Variants in HTR7 observed in about 807,000 individuals in gnomAD.
HTR7 encodes 5-HT-7.
HTR7 carries 16 observed loss-of-function variants against 34.0 expected under a neutral mutation model. That is an observed-to-expected ratio of 0.47 (90% confidence interval 0.32 to 0.71). The LOEUF is 0.71. Ranked by LOEUF, HTR7 falls within the 30% of genes least tolerant of loss-of-function variation. The pLI is 0.04. For synonymous variants in HTR7, 265 were observed against 260.2 expected, an observed-to-expected ratio of 1.02 and a Z score of -0.18; for missense variants, 504 against 625.5, an observed-to-expected ratio of 0.81 and a Z score of 2.07.
At chr10:90,789,203 T>C (rs556923312) in intron 1 of HTR7, among the ~76,000 whole-genome samples, 1 of 152,308 alleles carries the variant, frequency 6.6e-6, no homozygotes, top group African/African-American at 2.4e-5. Context: ...TTCCTCCTTC[T>C]ATGCTCTGCA....
chr10:90,806,814 T>C (rs1311509316), intron 1 of HTR7, among the ~76,000 whole-genome samples: 2 of 152,020 alleles, frequency 1.3e-5, no homozygotes, highest in South Asian at 2.1e-4. Flanking sequence ...AAGAGTGTGC[T>C]GGGCTGGGCC....
intron 1 of HTR7, among the ~76,000 whole-genome samples, chr10:90,764,281 C>T (rs577123453): frequency 1.3e-3 from 200 of 151,678 alleles, no homozygotes; most frequent in African/African-American, 4.8e-3. Flanking sequence ...TGTTCATATC[C>T]TTTGCCCATT....
chr10:90,857,751 A>G lies in HTR7; in HGVS notation c.-80T>C. The G allele has an allele frequency of 7.5e-7, 1 of 1,334,400 alleles. No individual in the cohort carries two copies. Among genetic ancestry groups the G allele is most frequent in the Non-Finnish European group, 9.6e-7 (1 of 1,036,722 alleles). The allele number at this position is 1,334,400 out of a possible 1,614,324, so 82.7% of individuals were successfully genotyped here. ...GCTGCCGGCCCCGGGGCTTCACCTC[A>G]CCGGTTCCGCTCCGCCCGGCCCAGC... On this transcript the variant is annotated 5_prime_UTR_variant, in exon 1 of 4. Coordinates refer to ENST00000336152, the MANE Select transcript of HTR7 (RefSeq NM_019859.4). The surrounding 1 kb of genome is among the most constrained non-coding windows in gnomAD (Gnocchi z 6.5).
chr10:90,826,242 A>G (rs1291770076), intron 1 of HTR7, among the ~76,000 whole-genome samples: 1 of 152,196 alleles, frequency 6.6e-6, no homozygotes, highest in Non-Finnish European at 1.5e-5. Context: ...CTAGAATAAT[A>G]TATCTGGTGA....
Position 90,821,426 on chromosome 10 carries a change from G to A in HTR7, c.539+35707C>T, listed in dbSNP as rs563714973. 7.2e-5 allele frequency among the ~76,000 whole-genome samples: 11 copies of A among 152,328 alleles called. No homozygotes were observed. In the East Asian group the frequency reaches 1.4e-3, roughly 19 times the overall value. On this transcript the variant is annotated intron_variant, in intron 1 of 3. Coordinates refer to ENST00000336152, the MANE Select transcript of HTR7 (RefSeq NM_019859.4). ...GGCCAGAACTCAGCTGAAATAAATG[G>A]AGGGAGCATTTAAACCAACCCTAGC...
intron 1 of HTR7, among the ~76,000 whole-genome samples, chr10:90,779,970 C>T (rs534514061): frequency 6.6e-6 from 1 of 152,314 alleles, no homozygotes; most frequent in South Asian, 2.1e-4. Context: ...CACCCTCCAG[C>T]CCTGCATGCA....
intron 1 of HTR7, among the ~76,000 whole-genome samples, chr10:90,851,692 C>T (rs1846503158): frequency 6.6e-6 from 1 of 151,178 alleles, no homozygotes; most frequent in South Asian, 2.1e-4. Context: ...CACTAGCAAA[C>T]CCTCAGTAAT....
intron 1 of HTR7, among the ~76,000 whole-genome samples, chr10:90,846,217 T>C (rs764964284): frequency 1.3e-5 from 2 of 152,250 alleles, no homozygotes; most frequent in Non-Finnish European, 2.9e-5. Context: ...TCAAAATATT[T>C]ATCAGTGAAA....
intron 1 of HTR7, among the ~76,000 whole-genome samples, chr10:90,824,037 T>A (rs1033833605): frequency 3.3e-5 from 5 of 152,224 alleles, no homozygotes; most frequent in Non-Finnish European, 7.3e-5. Context: ...AGCAGTGTGA[T>A]CACAGAGTAA....
intron 1 of HTR7, among the ~76,000 whole-genome samples, chr10:90,800,530 C>T (rs550849630): frequency 1.3e-5 from 2 of 149,938 alleles, no homozygotes; most frequent in African/African-American, 4.9e-5. Context: ...AGACTACTAC[C>T]TTATCTTCAC....
rs545918135 is a variant in HTR7 at position 90,811,215 on chromosome 10, T to G, written c.539+45918A>C. ...GGGATCGCGTCCTGTAGCCTTTTTG[T>G]CCAAACAACTTGACCTTACTGTTTT... On this transcript the variant is annotated intron_variant, in intron 1 of 3. Coordinates refer to ENST00000336152, the MANE Select transcript of HTR7 (RefSeq NM_019859.4). 1.6e-3 allele frequency among the ~76,000 whole-genome samples: 251 copies of G among 152,302 alleles called. 4 individuals carry two copies. The South Asian group carries it at 0.018, about 11-fold the overall frequency.
At chr10:90,831,236 T>G (rs1359370300) in intron 1 of HTR7, among the ~76,000 whole-genome samples, 1 of 152,064 alleles carries the variant, frequency 6.6e-6, no homozygotes, top group Non-Finnish European at 1.5e-5. Flanking sequence ...TCGCCGTGAG[T>G]GTTACAGTTC....
At chr10:90,793,857 C>T (rs1055262970) in intron 1 of HTR7, among the ~76,000 whole-genome samples, 4 of 152,180 alleles carry the variant, frequency 2.6e-5, no homozygotes, top group African/African-American at 9.7e-5. Context: ...AGCTGAAGAA[C>T]TTGGAGTCTG....
At chr10:90,807,670 C>T (rs954837525) in intron 1 of HTR7, among the ~76,000 whole-genome samples, 2 of 152,214 alleles carry the variant, frequency 1.3e-5, no homozygotes, top group African/African-American at 4.8e-5. Context: ...CGCAGGCACC[C>T]AGGTGATTAA....
Position 90,857,213 on chromosome 10 carries a change from A to G in HTR7, c.459T>C (p.Phe153=). ...CCATGGCGATGAAGACATTACAGAA[A>G]AAGTGTCCAAAGATCCACTTGCCCC... is the stretch of plus-strand genomic sequence containing the variant. The part of the protein sequence containing the change: ...LIGGKWIFGH[F]FCNVFIAMDV... The change falls in exon 1 of 4, where the codon TTT becomes TTC. Residue 153 remains phenylalanine (F), a synonymous_variant. Coordinates refer to ENST00000336152, the MANE Select transcript of HTR7 (RefSeq NM_019859.4). The surrounding 1 kb of genome is among the most constrained non-coding windows in gnomAD (Gnocchi z 6.5). 1 of 1,614,102 alleles carries G rather than the reference A, an allele frequency of 6.2e-7. No individual in the cohort carries two copies. The highest frequency in any genetic ancestry group is 8.5e-7 in the Non-Finnish European group (1 of 1,180,016).
intron 1 of HTR7, among the ~76,000 whole-genome samples, chr10:90,794,880 G>A (rs1313147015): frequency 3.3e-5 from 5 of 152,160 alleles, no homozygotes; most frequent in African/African-American, 4.8e-5. Context: ...CCACAAACAC[G>A]TGAGTAAGGC....
chr10:90,805,894 T>A (rs1419653841), intron 1 of HTR7, among the ~76,000 whole-genome samples: 1 of 152,240 alleles, frequency 6.6e-6, no homozygotes, highest in Non-Finnish European at 1.5e-5. Context: ...ACTTTAGGAA[T>A]CTTTGATAAG....
intron 1 of HTR7, among the ~76,000 whole-genome samples, chr10:90,840,768 TA>T: frequency 6.6e-6 from 1 of 152,272 alleles, no homozygotes; most frequent in Admixed American, 6.5e-5. Context: ...CCAACCCAAT[TA>T]ACTATCACAA....
chr10:90,824,770 G>A (rs984689651), intron 1 of HTR7, among the ~76,000 whole-genome samples: 1 of 152,242 alleles, frequency 6.6e-6, no homozygotes, highest in Non-Finnish European at 1.5e-5. Context: ...GGTGGCTATG[G>A]GGAGAGACCC....
Sources: gnomAD v4.1 joint callset for allele counts (sites outside exome capture counted in the v4.1 genomes callset) on GRCh38, gnomAD v4.1.1 for gene constraint, Gnocchi (gnomAD v3.1) non-coding constraint, MANE v1.5 for transcripts, NCBI Gene and HGNC (gene_info 2026-07-23, HGNC 2026-07-21) for gene names.